RAB3C: variants seen among roughly 807,000 people sequenced by gnomAD.
The protein encoded by RAB3C is ras-related protein Rab-3C.
Under a neutral mutation model 26.4 loss-of-function variants are expected in RAB3C, and 17 were observed. That is an observed-to-expected ratio of 0.64 (90% CI 0.44 to 0.97). RAB3C has a LOEUF of 0.97. Among genes scored for constraint, RAB3C ranks in the 50% least tolerant of loss-of-function variants. The pLI is 0.00. For missense variants in RAB3C, 242 were observed against 281.9 expected, an observed-to-expected ratio of 0.86 and a Z score of 1.01; for synonymous variants, 91 against 95.9, an observed-to-expected ratio of 0.95 and a Z score of 0.30.
intron 2 of RAB3C, among the ~76,000 whole-genome samples, chr5:58,683,990 T>G (rs1050337817): frequency 6.6e-6 from 1 of 152,212 alleles, no homozygotes; most frequent in Non-Finnish European, 1.5e-5. Flanking sequence ...TTAAAATTTA[T>G]CATCAATATG....
intron 3 of RAB3C, among the ~76,000 whole-genome samples, chr5:58,791,436 C>CA (rs1334566766): frequency 2.0e-5 from 3 of 152,154 alleles, no homozygotes; most frequent in African/African-American, 7.2e-5. Flanking sequence ...AAGGAATCCC[C>CA]AGTGCAAACT....
At chr5:58,838,176 C>T (rs187209632) in intron 4 of RAB3C, among the ~76,000 whole-genome samples, 1 of 152,154 alleles carries the variant, frequency 6.6e-6, no homozygotes, top group East Asian at 1.9e-4. Flanking sequence ...GTCAGTAGAC[C>T]GAGACCATCC....
At chr5:58,587,351 C>T (rs1033375239) in intron 1 of RAB3C, among the ~76,000 whole-genome samples, 29 of 152,118 alleles carry the variant, frequency 1.9e-4, no homozygotes, top group African/African-American at 6.0e-4. Flanking sequence ...TAAATACAAG[C>T]AGCTGGGCCA....
intron 3 of RAB3C, among the ~76,000 whole-genome samples, chr5:58,766,909 A>G (rs1741919467): frequency 6.6e-6 from 1 of 152,212 alleles, no homozygotes; most frequent in African/African-American, 2.4e-5. Flanking sequence ...TGAGGAGTCT[A>G]AGTACCACGA....
intron 2 of RAB3C, among the ~76,000 whole-genome samples, chr5:58,684,719 C>T (rs1748410180): frequency 1.3e-5 from 2 of 152,208 alleles, no homozygotes. Context: ...CAAATAAAAC[C>T]GTTATCTGGC....
chr5:58,831,751 T>C (rs1302397057), intron 4 of RAB3C, among the ~76,000 whole-genome samples: 1 of 152,124 alleles, frequency 6.6e-6, no homozygotes, highest in Non-Finnish European at 1.5e-5. Flanking sequence ...TGAGGGGACC[T>C]TGCTTATTTC....
At chr5:58,743,545 A>G (rs1176057179) in intron 3 of RAB3C, among the ~76,000 whole-genome samples, 1 of 152,014 alleles carries the variant, frequency 6.6e-6, no homozygotes. Context: ...TATTTGTCCT[A>G]ATGCTCTCCC....
intron 3 of RAB3C, chr5:58,817,234 A>AT (rs1435961948): frequency 6.6e-6 from 1 of 152,164 alleles, no homozygotes; most frequent in Admixed American, 6.5e-5. Context: ...ATTTCTGATC[A>AT]TTTTTCCTTT....
Position 58,583,109 on chromosome 5 carries a change from G to T in RAB3C, c.-100G>T. The T allele has an allele frequency of 4.4e-6, 7 of 1,594,018 alleles. No individual in the cohort carries two copies. Among genetic ancestry groups the T allele is most frequent in the Non-Finnish European group, 6.0e-6 (7 of 1,171,718 alleles). On this transcript the variant is annotated 5_prime_UTR_variant, in exon 1 of 5. The change creates a premature stop within an existing upstream ORF in the 5' untranslated region. Transcript: ENST00000282878. ...GTTGGAGCCGGTTAGCGAACCCCAA[G>T]AGTGCAGAGTGTGGAGCGTGGAGCG...
rs146452492 is a variant in RAB3C at position 58,722,412 on chromosome 5, C to CA, written c.253-3578dup. On this transcript the variant is annotated intron_variant, in intron 2 of 4. Transcript: ENST00000282878. ...TGTAAGAATGCTGTGTAATCAATGC[C>CA]AAAAAAAAAAAAGTGTGACCAAGAG... Among the ~76,000 whole-genome samples the CA allele has an allele frequency of 2.1e-3, 249 of 116,806 alleles. 5 individuals carry two copies. The South Asian group carries it at 0.037, about 17-fold the overall frequency. The allele number at this position is 116,806 out of a possible 152,430, so 76.6% of individuals were successfully genotyped here.
chr5:58,657,600 G>A (rs1009700289), intron 2 of RAB3C, among the ~76,000 whole-genome samples: 3 of 152,086 alleles, frequency 2.0e-5, no homozygotes, highest in African/African-American at 7.2e-5. Context: ...AGTTAGAAAG[G>A]GAAAGAATGG....
chr5:58,781,833 T>C (rs1365909050), intron 3 of RAB3C, among the ~76,000 whole-genome samples: 3 of 152,086 alleles, frequency 2.0e-5, no homozygotes, highest in Non-Finnish European at 4.4e-5. Flanking sequence ...CTCTTCCAAC[T>C]TCCTCCTCCC....
At position 58,583,184 on chromosome 5, in the gene RAB3C, C is replaced by G. The variant is rs758360823; in HGVS notation, c.-25C>G. 1 of 1,614,164 alleles carries G rather than the reference C, an allele frequency of 6.2e-7. No individual in the cohort carries two copies. Among genetic ancestry groups the G allele is most frequent in the Non-Finnish European group, 8.5e-7 (1 of 1,180,032 alleles). On this transcript the variant is annotated 5_prime_UTR_variant, in exon 1 of 5. Transcript: ENST00000282878. Reference sequence around the variant, plus strand: ...AAGCCCAGACCAGTGCGGTCCTAGCCAGAGAGAAAGGACATTTGCCAACAA... The same window carrying G: ...AAGCCCAGACCAGTGCGGTCCTAGCGAGAGAGAAAGGACATTTGCCAACAA...
At chr5:58,683,237 T>C (rs866562124) in intron 2 of RAB3C, among the ~76,000 whole-genome samples, 5 of 152,364 alleles carry the variant, frequency 3.3e-5, no homozygotes, top group Middle Eastern at 6.8e-3. Context: ...TTATGCCCAC[T>C]TTTATAAGTT....
intron 3 of RAB3C, chr5:58,823,152 A>G (rs1743382778): frequency 2.7e-6 from 1 of 373,076 alleles, no homozygotes; most frequent in Non-Finnish European, 5.2e-6. Flanking sequence ...ATGGAAGCAG[A>G]TGAAGATGCT....
At chr5:58,649,155 G>T (rs548197010) in intron 2 of RAB3C, among the ~76,000 whole-genome samples, 1 of 152,054 alleles carries the variant, frequency 6.6e-6, no homozygotes, top group Non-Finnish European at 1.5e-5. Context: ...CTCAAGTCCC[G>T]CAATTGCTCT....
intron 4 of RAB3C, among the ~76,000 whole-genome samples, chr5:58,836,189 T>C (rs371607499): frequency 4.6e-5 from 7 of 152,312 alleles, no homozygotes; most frequent in South Asian, 2.1e-4. Context: ...TTATGGTTTC[T>C]TAGTGGTTCT....
At chr5:58,826,426 T>C (rs1017527379) in intron 4 of RAB3C, among the ~76,000 whole-genome samples, 3 of 152,032 alleles carry the variant, frequency 2.0e-5, no homozygotes, top group Non-Finnish European at 4.4e-5. Flanking sequence ...AGAACTGAGT[T>C]GTGGATTTGG....
chr5:58,676,526 C>A (rs940124112), intron 2 of RAB3C, among the ~76,000 whole-genome samples: 1 of 151,930 alleles, frequency 6.6e-6, no homozygotes, highest in African/African-American at 2.4e-5. Flanking sequence ...AAAAAAGAAC[C>A]TATTGCCACC....
Sources: allele counts gnomAD v4.1 joint callset (sites outside exome capture counted in the v4.1 genomes callset), GRCh38; gene constraint gnomAD v4.1.1; transcripts MANE v1.5; gene names NCBI Gene and HGNC (gene_info 2026-07-23, HGNC 2026-07-21).